Variants in CRYBG1 observed in about 807,000 individuals in gnomAD.
CRYBG1 encodes the protein beta/gamma crystallin domain-containing protein 1.
In CRYBG1, 139 loss-of-function variants were observed where a neutral mutation model predicts 189.2. That is an observed-to-expected ratio of 0.73 (90% CI 0.64 to 0.85). The LOEUF is 0.85. Ranked by LOEUF, CRYBG1 falls within the 40% of genes least tolerant of loss-of-function variation. CRYBG1 has a pLI of 0.00. For synonymous variants in CRYBG1, 1,023 were observed against 1,017.1 expected, an observed-to-expected ratio of 1.01 and a Z score of -0.11; for missense variants, 2,611 against 2,675.8, an observed-to-expected ratio of 0.98 and a Z score of 0.53.
chr6:106,414,081 C>G (rs1177540985), intron 1 of CRYBG1, among the ~76,000 whole-genome samples: 3 of 152,230 alleles, frequency 2.0e-5, no homozygotes, highest in East Asian at 1.9e-4. Flanking sequence ...ACAGCAAGCT[C>G]CTGGTTTTCC....
At chr6:106,432,911 C>T (rs1273369326) in intron 1 of CRYBG1, among the ~76,000 whole-genome samples, 1 of 147,978 alleles carries the variant, frequency 6.8e-6, no homozygotes, top group Non-Finnish European at 1.5e-5. Flanking sequence ...GCCATCTCGG[C>T]TCACTGCAAC....
chr6:106,393,861 TG>T (rs1770555587), intron 1 of CRYBG1, among the ~76,000 whole-genome samples: 1 of 152,068 alleles, frequency 6.6e-6, no homozygotes, highest in African/African-American at 2.4e-5. Context: ...TTAGTACAGA[TG>T]GGGTTTTGCC....
intron 2 of CRYBG1, among the ~76,000 whole-genome samples, chr6:106,497,980 A>C (rs57006401): frequency 1.7e-4 from 26 of 152,144 alleles, no homozygotes; most frequent in Non-Finnish European, 3.5e-4. Context: ...GCACGCCTGT[A>C]GTCCCAGCTG....
At chr6:106,510,280 G>A (rs1236214161) in intron 2 of CRYBG1, among the ~76,000 whole-genome samples, 5 of 152,148 alleles carry the variant, frequency 3.3e-5, no homozygotes, top group Non-Finnish European at 5.9e-5. Context: ...CTGCTCCCCC[G>A]CTTTCCCAGG....
intron 2 of CRYBG1, among the ~76,000 whole-genome samples, chr6:106,480,784 C>T (rs1398203810): frequency 1.3e-5 from 2 of 151,738 alleles, no homozygotes; most frequent in Non-Finnish European, 2.9e-5. Context: ...CCAGCCTGGC[C>T]AACATGACAA....
At position 106,519,427 on chromosome 6, in the gene CRYBG1, A is replaced by T; in HGVS notation, c.2219A>T (p.Asn740Ile). The T allele has an allele frequency of 6.2e-7, 1 of 1,614,114 alleles. No individual in the cohort carries two copies. Among genetic ancestry groups the T allele is most frequent in the Non-Finnish European group, 8.5e-7 (1 of 1,180,034 alleles). ...AAAGTAATGCCAAACAGTCCCCAGA[A>T]TGGTGTGCTGGTTAAGGAAACTGCT... The part of the protein sequence containing the change: ...EKKVMPNSPQ[N>I]GVLVKETAIE... Residue 740 changes from asparagine to isoleucine, a missense_variant, in exon 4 of 22, where the codon AAT becomes ATT. Coordinates refer to ENST00000633556, the MANE Select transcript of CRYBG1 (RefSeq NM_001371242.2).
chr6:106,364,161 C>T (rs1771936429), intron 1 of CRYBG1, among the ~76,000 whole-genome samples: 1 of 151,894 alleles, frequency 6.6e-6, no homozygotes, highest in Non-Finnish European at 1.5e-5. Context: ...CTCATCTTTA[C>T]TAAAAGTACA....
At chr6:106,387,642 C>A (rs1243723510) in intron 1 of CRYBG1, among the ~76,000 whole-genome samples, 1 of 152,108 alleles carries the variant, frequency 6.6e-6, no homozygotes, top group African/African-American at 2.4e-5. Context: ...CTGCTCAACC[C>A]CAGATGGATA....
chr6:106,481,301 T>C (rs1196214874), intron 2 of CRYBG1, among the ~76,000 whole-genome samples: 1 of 151,550 alleles, frequency 6.6e-6, no homozygotes, highest in Non-Finnish European at 1.5e-5. Context: ...AAAGAAAAAA[T>C]TGGCTGCTCC....
intron 9 of CRYBG1, chr6:106,541,204 G>A (rs1774121781): frequency 2.1e-6 from 1 of 479,002 alleles, no homozygotes; most frequent in Admixed American, 2.3e-5. Flanking sequence ...ATGAACTGAG[G>A]GCAGGATCGT....
At chr6:106,553,774 G>T (rs1435319596) in intron 16 of CRYBG1, among the ~76,000 whole-genome samples, 1 of 152,188 alleles carries the variant, frequency 6.6e-6, no homozygotes, top group Non-Finnish European at 1.5e-5. Context: ...TCATCTCATT[G>T]TGTAATGGAA....
intron 1 of CRYBG1, among the ~76,000 whole-genome samples, chr6:106,411,693 G>A (rs1448098349): frequency 6.6e-6 from 1 of 152,140 alleles, no homozygotes; most frequent in Non-Finnish European, 1.5e-5. Context: ...TACAAGCTGG[G>A]GAGAGAGAAG....
At chr6:106,482,611 T>TA (rs1772492250) in intron 2 of CRYBG1, among the ~76,000 whole-genome samples, 1 of 151,854 alleles carries the variant, frequency 6.6e-6, no homozygotes, top group Non-Finnish European at 1.5e-5. Context: ...CCGTCTCTAC[T>TA]AAAAATACAA....
At chr6:106,404,078 C>G (rs1770772580) in intron 1 of CRYBG1, among the ~76,000 whole-genome samples, 1 of 152,218 alleles carries the variant, frequency 6.6e-6, no homozygotes. Flanking sequence ...TGTGATCTTT[C>G]CTAGGTTCCT....
At chr6:106,394,636 G>T (rs1770570413) in intron 1 of CRYBG1, among the ~76,000 whole-genome samples, 1 of 152,278 alleles carries the variant, frequency 6.6e-6, no homozygotes, top group South Asian at 2.1e-4. Context: ...GTTTTTGAAG[G>T]TAACACAGTT....
intron 1 of CRYBG1, among the ~76,000 whole-genome samples, chr6:106,409,464 T>A (rs964092537): frequency 1.3e-5 from 2 of 151,430 alleles, no homozygotes; most frequent in Non-Finnish European, 2.9e-5. Flanking sequence ...AATTTATAGA[T>A]TGAATGCTAT....
At chr6:106,499,075 T>C (rs1055844402) in intron 2 of CRYBG1, among the ~76,000 whole-genome samples, 5 of 150,030 alleles carry the variant, frequency 3.3e-5, no homozygotes, top group Admixed American at 2.0e-4. Flanking sequence ...ATTCATATAT[T>C]CTGACTTTCA....
At position 106,568,682 on chromosome 6, in the gene CRYBG1, T is replaced by G; in HGVS notation, c.*116T>G. 1 of 695,686 alleles carries G rather than the reference T, an allele frequency of 1.4e-6. No individual in the cohort carries two copies. The highest frequency in any genetic ancestry group is 2.5e-6 in the Non-Finnish European group (1 of 404,330). 43.1% of individuals were successfully genotyped at this position (695,686 alleles called of 1,614,324 possible). ...GGATCGACTCCTCCTTCATTGATTC[T>G]AAATTCAACCTTAAATCATGCTGCC... is the stretch of plus-strand genomic sequence containing the variant. On this transcript the variant is annotated 3_prime_UTR_variant, in exon 22 of 22. Coordinates refer to ENST00000633556, the MANE Select transcript of CRYBG1 (RefSeq NM_001371242.2).
chr6:106,384,764 C>T (rs2114325165), intron 1 of CRYBG1, among the ~76,000 whole-genome samples: 1 of 152,070 alleles, frequency 6.6e-6, no homozygotes, highest in Admixed American at 6.6e-5. Flanking sequence ...CTTTTAAGGC[C>T]ACCCTAATTT....
Sources: allele counts gnomAD v4.1 joint callset (sites outside exome capture counted in the v4.1 genomes callset), GRCh38; gene constraint gnomAD v4.1.1; transcripts MANE v1.5; gene names NCBI Gene and HGNC (gene_info 2026-07-23, HGNC 2026-07-21).